The following RPTOR variants were observed in gnomAD, a reference collection of about 807,000 sequenced individuals.
RPTOR encodes the protein regulatory associated protein of MTOR complex 1, also known as regulatory-associated protein of mTOR.
Under a neutral mutation model 169.9 loss-of-function variants are expected in RPTOR, and 21 were observed. The observed-to-expected ratio is 0.12, with a 90% confidence interval of 0.09 to 0.18. The LOEUF (loss-of-function observed/expected upper bound fraction) is 0.18, where lower values mean the gene tolerates loss of function less well. RPTOR is among the 10% of genes least tolerant of loss of function. RPTOR has a pLI of 1.00. For missense variants in RPTOR, 1,133 were observed against 1,855.9 expected, an observed-to-expected ratio of 0.61 and a Z score of 7.16; for synonymous variants, 732 against 753.2, an observed-to-expected ratio of 0.97 and a Z score of 0.46.
chr17:80,631,908 C>T (rs2065445201), intron 2 of RPTOR, among the ~76,000 whole-genome samples: 1 of 152,198 alleles, frequency 6.6e-6, no homozygotes, highest in African/African-American at 2.4e-5. Flanking sequence ...CAGTGCATTC[C>T]AGCCTGGGCA....
At chr17:80,626,776 A>AATTATTATT (rs143412094) in intron 2 of RPTOR, among the ~76,000 whole-genome samples, 11,132 of 140,864 alleles carry the variant, frequency 0.079, 454 homozygotes, top group Middle Eastern at 0.099. Context: ...CCATTCTAGG[A>AATTATTATT]ATTATTATTA....
chr17:80,880,364 C>T, intron 13 of RPTOR, 51 bp from the exon 14 acceptor site: 3 of 1,473,638 alleles, frequency 2.0e-6, no homozygotes, highest in African/African-American at 1.4e-5. Flanking sequence ...AAGCTTGTGG[C>T]ATCTGCGGGA....
intron 7 of RPTOR, among the ~76,000 whole-genome samples, chr17:80,801,415 T>A (rs1414760070): frequency 2.6e-5 from 4 of 152,114 alleles, no homozygotes; most frequent in Admixed American, 2.0e-4. Flanking sequence ...AGGGATTTGC[T>A]GGCAGCCTCC....
Position 80,803,275 on chromosome 17 carries a change from TA to T in RPTOR, c.890+11769del, listed in dbSNP as rs1316908171. 6.6e-6 allele frequency: 1 copy of T among 152,278 alleles called. No individual in the cohort carries two copies. The highest frequency in any genetic ancestry group is 1.5e-5 in the Non-Finnish European group (1 of 68,082). 9.4% of individuals were successfully genotyped at this position (152,278 alleles called of 1,614,324 possible). On this transcript the variant is annotated intron_variant, in intron 7 of 33. Coordinates refer to ENST00000306801, the MANE Select transcript of RPTOR (RefSeq NM_020761.3). This position sits in a 1 kb window ranked among gnomAD's most constrained non-coding sequence, Gnocchi z 6.2. ...AGCAGCCTCTGAGGCCATCTCCATT[TA>T]AACTTCTGGAAACCGAGGCAAGGGA...
In RPTOR at chr17:80,726,774, A is replaced by T. The variant is rs1485369205; in HGVS notation, c.508-3786A>T. Among the ~76,000 whole-genome samples, 1 of 152,122 alleles carries T rather than the reference A, an allele frequency of 6.6e-6. No individual in the cohort carries two copies. The highest frequency in any genetic ancestry group is 1.9e-4 in the East Asian group (1 of 5,196). On this transcript the variant is annotated intron_variant, in intron 4 of 33. Transcript: ENST00000306801. The surrounding 1 kb of genome is among the most constrained non-coding windows in gnomAD (Gnocchi z 4.5). Reference sequence around the variant, plus strand: ...CCCAGAACATTATAGGAGGTAAATAAATAGCACGCAGTGTTCTGGGGGTAA... The same window carrying T: ...CCCAGAACATTATAGGAGGTAAATATATAGCACGCAGTGTTCTGGGGGTAA...
chr17:80,774,496 G>A (rs1259787434), intron 6 of RPTOR, among the ~76,000 whole-genome samples: 2 of 152,234 alleles, frequency 1.3e-5, no homozygotes, highest in Non-Finnish European at 2.9e-5. Flanking sequence ...GCGGCCGTCT[G>A]GGGTGGACAG....
At chr17:80,608,594 G>A (rs1247308778) in intron 1 of RPTOR, among the ~76,000 whole-genome samples, 1 of 152,248 alleles carries the variant, frequency 6.6e-6, no homozygotes, top group Non-Finnish European at 1.5e-5. Flanking sequence ...TGAGGCGACA[G>A]ATGGAAGTGT....
At chr17:80,737,997 G>A (rs2066448743) in intron 5 of RPTOR, among the ~76,000 whole-genome samples, 1 of 150,636 alleles carries the variant, frequency 6.6e-6, no homozygotes, top group African/African-American at 2.4e-5. Flanking sequence ...GGAGAATGAA[G>A]CCACTGTGAG....
intron 13 of RPTOR, among the ~76,000 whole-genome samples, chr17:80,864,186 A>G (rs2067954081): frequency 6.6e-6 from 1 of 152,244 alleles, no homozygotes; most frequent in South Asian, 2.1e-4. Context: ...ACGAAGGCAT[A>G]TCGCAATCAA....
chr17:80,809,348 C>T (rs1203847080), intron 7 of RPTOR, among the ~76,000 whole-genome samples: 3 of 152,108 alleles, frequency 2.0e-5, no homozygotes, highest in Non-Finnish European at 2.9e-5. Flanking sequence ...GGCGCCACCA[C>T]GCCCAGCTGA....
intron 25 of RPTOR, chr17:80,941,453 G>A (rs1323745731): frequency 6.6e-6 from 1 of 152,488 alleles, no homozygotes; most frequent in African/African-American, 2.4e-5. Flanking sequence ...CAGGATCCAG[G>A]AGAGTACAGG....
At chr17:80,883,661 A>G (rs2068210412) in intron 15 of RPTOR, 120 bp from the exon 16 acceptor site, 3 of 1,274,942 alleles carry the variant, frequency 2.4e-6, no homozygotes, top group Admixed American at 1.8e-5. Context: ...TAAAATGGGG[A>G]AAATTGAGCA....
chr17:80,835,954 C>T (rs910137484), intron 9 of RPTOR, among the ~76,000 whole-genome samples: 29 of 152,150 alleles, frequency 1.9e-4, no homozygotes, highest in Admixed American at 3.9e-4. Context: ...GGCGGGGCCA[C>T]AGCAGCTGCC....
chr17:80,788,673 T>C (rs1827823589), intron 6 of RPTOR, among the ~76,000 whole-genome samples: 1 of 152,210 alleles, frequency 6.6e-6, no homozygotes, highest in Non-Finnish European at 1.5e-5. Flanking sequence ...ATGTACCTAA[T>C]TTATGATGTT....
intron 11 of RPTOR, among the ~76,000 whole-genome samples, chr17:80,850,977 G>A (rs1205960943): frequency 1.3e-5 from 2 of 152,218 alleles, no homozygotes; most frequent in African/African-American, 4.8e-5. Flanking sequence ...CGCCTCAGCT[G>A]GAGTGCAGTA....
intron 4 of RPTOR, among the ~76,000 whole-genome samples, chr17:80,720,067 C>T (rs1437450032): frequency 2.0e-5 from 3 of 151,936 alleles, no homozygotes; most frequent in African/African-American, 7.3e-5. Flanking sequence ...TTTGGGAGGC[C>T]GAGGCGGGCG....
chr17:80,959,555 C>T lies in RPTOR; in HGVS notation c.3478-523C>T, dbSNP rs556986750. On this transcript the variant is annotated intron_variant, in intron 29 of 33. Transcript: ENST00000306801. The surrounding 1 kb of genome is among the most constrained non-coding windows in gnomAD (Gnocchi z 6.7). Reference sequence around the variant, plus strand: ...TTCCTCCTGCGTCCCTGGCAGGTGCCATCGCCCCCGCCCCCGCTTCTCCAG... The same window carrying T: ...TTCCTCCTGCGTCCCTGGCAGGTGCTATCGCCCCCGCCCCCGCTTCTCCAG... 2.6e-5 allele frequency among the ~76,000 whole-genome samples: 4 copies of T among 152,328 alleles called. No homozygotes were observed. The highest frequency in any genetic ancestry group is 9.6e-5 in the African/African-American group (4 of 41,570).
At chr17:80,879,296 C>T (rs973188432) in intron 13 of RPTOR, among the ~76,000 whole-genome samples, 12 of 151,704 alleles carry the variant, frequency 7.9e-5, no homozygotes, top group Non-Finnish European at 1.3e-4. Flanking sequence ...CTGCCATGTC[C>T]TTCCCGGCTG....
chr17:80,592,467 G>A (rs956554038), intron 1 of RPTOR, among the ~76,000 whole-genome samples: 5 of 152,122 alleles, frequency 3.3e-5, no homozygotes, highest in Admixed American at 1.3e-4. Context: ...GGCGGTGGGA[G>A]GACAGGTTCT....
Sources: allele counts gnomAD v4.1 joint callset (sites outside exome capture counted in the v4.1 genomes callset), GRCh38; gene constraint gnomAD v4.1.1; non-coding constraint Gnocchi (gnomAD v3.1); transcripts MANE v1.5; gene names NCBI Gene and HGNC (gene_info 2026-07-23, HGNC 2026-07-21).